SELENOS: variants seen among roughly 807,000 people sequenced by gnomAD.
SELENOS encodes selenoprotein S.
Under a neutral mutation model 30.2 loss-of-function variants are expected in SELENOS, and 37 were observed. That is an observed-to-expected ratio of 1.23 (90% confidence interval 0.94 to 1.61). The LOEUF (loss-of-function observed/expected upper bound fraction) is 1.61. Among genes scored for constraint, SELENOS ranks in the 40% most tolerant of loss-of-function variants. The pLI, the probability that SELENOS is intolerant of heterozygous loss-of-function variation, is 0.00. For synonymous variants in SELENOS, 119 were observed against 91.6 expected (o/e 1.30, Z -1.71); for missense variants, 289 against 231.8 (o/e 1.25, Z -1.60).
chr15:101,275,337 T>C lies in SELENOS; in HGVS notation c.236A>G (p.Gln79Arg). 6.3e-7 allele frequency: 1 copy of C among 1,580,892 alleles called. No individual in the cohort carries two copies. The highest frequency in any genetic ancestry group is 2.3e-5 in the East Asian group (1 of 44,238). ...CAGTCGAGCAGCTGCTAAAGCTTCTTGTCGTTTAACAACAACATCAGGTTC... is the reference window on the plus strand; with the variant it reads ...CAGTCGAGCAGCTGCTAAAGCTTCTCGTCGTTTAACAACAACATCAGGTTC... ...AVEPDVVVKR[Q>R]EALAAARLKM... Residue 79 changes from glutamine (Q) to arginine (R), a missense_variant, in exon 3 of 6, where the codon CAA becomes CGA. Physicochemically the swap from Gln to Arg is conservative, Grantham distance 43 (BLOSUM62 1). Coordinates refer to ENST00000526049, the MANE Select transcript of SELENOS (RefSeq NM_018445.6).
rs1232999334 is a variant in SELENOS, at chr15:101,274,470, G to T, written c.434C>A (p.Thr145Asn). The change falls in exon 5 of 6, where the codon ACT (threonine) becomes AAT (asparagine). Residue 145 changes from threonine (T) to asparagine (N), a missense_variant. By Grantham distance (65) the Thr-to-Asn change is moderately conservative (BLOSUM62 0). Coordinates refer to ENST00000526049, the MANE Select transcript of SELENOS (RefSeq NM_018445.6). The stretch of plus-strand genomic sequence containing the variant: ...CGATTTCCGTTTCAGGACAGATGAA[G>T]TGGAAGGCCCAGGACTGTCTTCCTC... ...PQEEDSPGPS[T>N]SSVLKRKSDR... is the part of the protein sequence containing the mutation. 6.2e-7 allele frequency: 1 copy of T among 1,609,400 alleles called. No individual in the cohort carries two copies. The highest frequency in any genetic ancestry group is 8.5e-7 in the Non-Finnish European group (1 of 1,177,714).
downstream of SELENOS, chr15:101,271,013 C>T (rs1408639734): frequency 6.6e-6 from 1 of 152,190 alleles, no homozygotes; most frequent in Non-Finnish European, 1.5e-5. Flanking sequence ...TAATAGTGTA[C>T]TTAAACATAC....
chr15:101,273,002 C>A, intron 5 of SELENOS, 146 bp from the exon 6 acceptor site: 1 of 636,464 alleles, frequency 1.6e-6, no homozygotes, highest in African/African-American at 1.9e-5. Context: ...AACCTTTTAG[C>A]TATGTGAAAA....
chr15:101,274,821 G>A lies in SELENOS; in HGVS notation c.319-140C>T, dbSNP rs2039307038. The A allele has an allele frequency of 4.4e-6, 4 of 915,214 alleles. No homozygotes were observed. The East Asian group carries it at 7.9e-5, about 18-fold the overall frequency. 56.7% of individuals were successfully genotyped at this position (915,214 alleles called of 1,614,324 possible). On this transcript the variant is annotated intron_variant, in intron 3 of 5. Coordinates refer to ENST00000526049, the MANE Select transcript of SELENOS (RefSeq NM_018445.6). The stretch of plus-strand genomic sequence containing the variant: ...GTTTTCTTTAGTTAATAAAACTGTT[G>A]TGATCTGGTAGTGTGAGTTTAACTC...
chr15:101,272,706 A>C lies in SELENOS; in HGVS notation c.*65T>G. The C allele has an allele frequency of 6.6e-7, 1 of 1,504,524 alleles. No homozygotes were observed. Among genetic ancestry groups the C allele is most frequent in the South Asian group, 1.2e-5 (1 of 83,198 alleles). 93.2% of individuals were successfully genotyped at this position (1,504,524 alleles called of 1,614,324 possible). On this transcript the variant is annotated 3_prime_UTR_variant, in exon 6 of 6. Transcript: ENST00000526049. Reference sequence around the variant, plus strand: ...GCTAGTCACTGTGAAAAGCGTGCGTAAGGCAATTGAATCGAGGGTTAAGGG... The same window carrying C: ...GCTAGTCACTGTGAAAAGCGTGCGTCAGGCAATTGAATCGAGGGTTAAGGG...
At chr15:101,274,111 A>G (rs2039297407) in intron 5 of SELENOS, 1 of 426,920 alleles carries the variant, frequency 2.3e-6, no homozygotes, top group Non-Finnish European at 4.3e-6. Flanking sequence ...CCAGCCAGAA[A>G]GACCAAAACC....
chr15:101,273,181 C>T (rs1191430784), intron 5 of SELENOS, among the ~76,000 whole-genome samples: 1 of 152,068 alleles, frequency 6.6e-6, no homozygotes. Flanking sequence ...ACAGTGCTTA[C>T]TAAAACTCAT....
At chr15:101,273,559 C>T (rs899523027) in intron 5 of SELENOS, among the ~76,000 whole-genome samples, 1 of 152,200 alleles carries the variant, frequency 6.6e-6, no homozygotes, top group Non-Finnish European at 1.5e-5. Context: ...CCATCTTCTA[C>T]GATTTCCATT....
chr15:101,276,377 C>G, intron 2 of SELENOS, 164 bp downstream of exon 2: 1 of 888,384 alleles, frequency 1.1e-6, no homozygotes, highest in East Asian at 3.1e-5. Flanking sequence ...GCCTCCTGAG[C>G]AGCTGGGACT....
At chr15:101,275,414 A>T (rs192429116) in intron 2 of SELENOS, 53 bp from the exon 3 acceptor site, 2 of 1,416,346 alleles carry the variant, frequency 1.4e-6, no homozygotes, top group African/African-American at 2.9e-5. Flanking sequence ...TATAAAATAG[A>T]AACTTTTGAG....
rs919129018 is a variant in SELENOS, at chr15:101,276,499, G to A, written c.211+42C>T. 3.2e-6 allele frequency: 5 copies of A among 1,556,234 alleles called. No homozygotes were observed. The African/African-American group carries it at 4.2e-5, about 13-fold the overall frequency. ...AGAGACTAACTCTTAATATAAAGGA[G>A]GTGCAAAACCACCGCTTTCATTTCG... is the stretch of plus-strand genomic sequence containing the variant. On this transcript the variant is annotated intron_variant, in intron 2 of 5. Transcript: ENST00000526049.
intron 5 of SELENOS, among the ~76,000 whole-genome samples, chr15:101,273,729 G>A (rs1299602309): frequency 4.6e-5 from 7 of 152,224 alleles, no homozygotes; most frequent in African/African-American, 1.7e-4. Context: ...GGTCAGCCAA[G>A]TCTGTGGCCC....
At position 101,277,452 on chromosome 15, in the gene SELENOS, C is replaced by G; in HGVS notation, c.-35G>C. ...CGCCGCCGCCGCCCAGCCCTGCCGCCGCGCCTCCAGCCGGGCGCTTCCGGT... is the reference window on the plus strand; with the variant it reads ...CGCCGCCGCCGCCCAGCCCTGCCGCGGCGCCTCCAGCCGGGCGCTTCCGGT... On this transcript the variant is annotated 5_prime_UTR_variant, in exon 1 of 6. Coordinates refer to ENST00000526049, the MANE Select transcript of SELENOS (RefSeq NM_018445.6). 1.4e-6 allele frequency: 2 copies of G among 1,420,870 alleles called. No individual in the cohort carries two copies. The highest frequency in any genetic ancestry group is 1.8e-6 in the Non-Finnish European group (2 of 1,096,434). The allele number at this position is 1,420,870 out of a possible 1,614,324, so 88.0% of individuals were successfully genotyped here.
chr15:101,273,277 G>A (rs1280247047), intron 5 of SELENOS, among the ~76,000 whole-genome samples: 1 of 152,048 alleles, frequency 6.6e-6, no homozygotes, highest in Non-Finnish European at 1.5e-5. Context: ...AGTCAGAACG[G>A]GGTCTTCTGT....
At chr15:101,275,974 T>G (rs111368856) in intron 2 of SELENOS, among the ~76,000 whole-genome samples, 2 of 149,294 alleles carry the variant, frequency 1.3e-5, no homozygotes, top group African/African-American at 2.5e-5. Flanking sequence ...CAGGCTGGAG[T>G]GCAGTGGCAC....
chr15:101,274,670 T>C lies in SELENOS; in HGVS notation c.330A>G (p.Glu110=). 1 of 1,611,752 alleles carries C rather than the reference T, an allele frequency of 6.2e-7. No individual in the cohort carries two copies. The highest frequency in any genetic ancestry group is 8.5e-7 in the Non-Finnish European group (1 of 1,179,482). Residue 110 remains glutamate, a synonymous_variant, in exon 4 of 6, where the codon GAA becomes GAG. Coordinates refer to ENST00000526049, the MANE Select transcript of SELENOS (RefSeq NM_018445.6). The part of the protein sequence containing the change: ...HKEKLKQLEE[E]KRRQKIEMWD... ...ACATTTCAATCTTCTGTCTCCTTTT[T>C]TCTTCTTCAAGCTGAGAAACAATCA... is the stretch of plus-strand genomic sequence containing the variant.
intron 5 of SELENOS, among the ~76,000 whole-genome samples, chr15:101,273,306 C>T (rs1455975666): frequency 6.6e-6 from 1 of 152,180 alleles, no homozygotes; most frequent in Non-Finnish European, 1.5e-5. Context: ...CTACCCCCAA[C>T]CACCCCACTC....
intron 2 of SELENOS, among the ~76,000 whole-genome samples, chr15:101,275,685 T>C (rs997460000): frequency 2.0e-5 from 3 of 152,132 alleles, no homozygotes; most frequent in African/African-American, 7.2e-5. Flanking sequence ...GATACCTCAG[T>C]GACACCCACA....
At chr15:101,276,484 T>G in intron 2 of SELENOS, 57 bp downstream of exon 2, 1 of 1,520,216 alleles carries the variant, frequency 6.6e-7, no homozygotes, top group South Asian at 1.3e-5. Context: ...AGAGACTAAC[T>G]CTTAATATAA....
Sources: gnomAD v4.1 joint callset for allele counts (sites outside exome capture counted in the v4.1 genomes callset) on GRCh38, gnomAD v4.1.1 for gene constraint, MANE v1.5 for transcripts, NCBI Gene and HGNC (gene_info 2026-07-23, HGNC 2026-07-21) for gene names.